KCNN2: variants seen among roughly 807,000 people sequenced by gnomAD.
KCNN2 encodes potassium calcium-activated channel subfamily N member 2.
In KCNN2, 24 loss-of-function variants were observed where a neutral mutation model predicts 55.5. The observed-to-expected ratio is 0.43, with a 90% CI of 0.31 to 0.61. The LOEUF (loss-of-function observed/expected upper bound fraction) is 0.61, where lower values mean the gene tolerates loss of function less well. Among genes scored for constraint, KCNN2 ranks in the 20% least tolerant of loss-of-function variants. The probability of loss-of-function intolerance (pLI) is 0.08; values close to 1 mark genes in which losing one functional copy is unlikely to be tolerated. For synonymous variants in KCNN2, 431 were observed against 336.1 expected (o/e 1.28, Z -3.09); for missense variants, 754 against 853.6 (o/e 0.88, Z 1.45).
chr5:114,124,764 C>G (rs1201860664), intron 1 of KCNN2, among the ~76,000 whole-genome samples: 1 of 152,178 alleles, frequency 6.6e-6, no homozygotes, highest in African/African-American at 2.4e-5. Context: ...TTCTGGTCTT[C>G]TATCAAATTG....
intron 3 of KCNN2, among the ~76,000 whole-genome samples, chr5:114,454,940 C>T (rs567794455): frequency 3.3e-5 from 5 of 152,290 alleles, no homozygotes; most frequent in Admixed American, 2.0e-4. Flanking sequence ...GTTACAGATA[C>T]GCTTATGTAA....
intron 2 of KCNN2, among the ~76,000 whole-genome samples, chr5:114,298,100 C>T (rs981007523): frequency 2.0e-5 from 3 of 152,196 alleles, no homozygotes; most frequent in African/African-American, 7.2e-5. Flanking sequence ...AGTAAGTGCT[C>T]CGTAGATGCT....
At chr5:114,484,153 C>T (rs933039860) in intron 5 of KCNN2, among the ~76,000 whole-genome samples, 7 of 152,094 alleles carry the variant, frequency 4.6e-5, no homozygotes, top group African/African-American at 9.6e-5. Flanking sequence ...TTATTTAGTA[C>T]GAGCTGTGCC....
intron 1 of KCNN2, among the ~76,000 whole-genome samples, chr5:114,105,017 C>G (rs1322577112): frequency 6.6e-6 from 1 of 152,058 alleles, no homozygotes; most frequent in Non-Finnish European, 1.5e-5. Context: ...TCTTCTGATT[C>G]ATTAATGAAC....
chr5:114,327,102 T>C (rs992282012), intron 2 of KCNN2, among the ~76,000 whole-genome samples: 32 of 152,208 alleles, frequency 2.1e-4, no homozygotes, highest in Non-Finnish European at 7.3e-5. Flanking sequence ...TTTACATCAA[T>C]AAAATGTCAC....
At chr5:114,375,485 A>G (rs543923718) in intron 2 of KCNN2, among the ~76,000 whole-genome samples, 98 of 152,254 alleles carry the variant, frequency 6.4e-4, no homozygotes, top group Middle Eastern at 3.4e-3. Flanking sequence ...CTGTAAGTCA[A>G]TTTTCATAAA....
chr5:114,399,828 C>T (rs1245594142), intron 2 of KCNN2, among the ~76,000 whole-genome samples: 1 of 150,644 alleles, frequency 6.6e-6, no homozygotes, highest in Non-Finnish European at 1.5e-5. Flanking sequence ...TGGGTTCGAT[C>T]TTGGGAGATT....
At chr5:114,357,456 C>A (rs1184415082), upstream of KCNN2, among the ~76,000 whole-genome samples, 1 of 113,668 alleles carries the variant, frequency 8.8e-6, no homozygotes, top group Non-Finnish European at 1.8e-5. Context: ...CCCCTCCCCC[C>A]ACCCCACAAC....
chr5:114,353,641 G>A (rs1229345450), intron 2 of KCNN2, among the ~76,000 whole-genome samples: 1 of 151,808 alleles, frequency 6.6e-6, no homozygotes, highest in Non-Finnish European at 1.5e-5. Context: ...AAGTCTGTTA[G>A]CATTACATTC....
chr5:114,166,784 G>T (rs1752921826), intron 1 of KCNN2, among the ~76,000 whole-genome samples: 2 of 152,084 alleles, frequency 1.3e-5, no homozygotes, highest in Admixed American at 1.3e-4. Flanking sequence ...GGTATTAGGG[G>T]GGTAGGGCCT....
At chr5:114,155,917 G>A (rs1001645591) in intron 1 of KCNN2, among the ~76,000 whole-genome samples, 10 of 152,128 alleles carry the variant, frequency 6.6e-5, no homozygotes, top group African/African-American at 2.4e-4. Flanking sequence ...TGCTTTTGTT[G>A]TGATTGCTTT....
intron 1 of KCNN2, among the ~76,000 whole-genome samples, chr5:114,068,494 C>T (rs1472682589): frequency 6.6e-6 from 1 of 152,280 alleles, no homozygotes; most frequent in East Asian, 1.9e-4. Flanking sequence ...CCACAGCTGC[C>T]CAAGTGACAG....
At chr5:114,428,053 T>A (rs1759681016) in intron 3 of KCNN2, among the ~76,000 whole-genome samples, 2 of 152,224 alleles carry the variant, frequency 1.3e-5, no homozygotes, top group Admixed American at 6.5e-5. Flanking sequence ...CTGTCTGAAG[T>A]TAAGAGTAAG....
intron 2 of KCNN2, among the ~76,000 whole-genome samples, chr5:114,297,593 A>G (rs575126364): frequency 2.2e-4 from 33 of 152,266 alleles, no homozygotes; most frequent in Non-Finnish European, 4.1e-4. Context: ...AAACTTCATA[A>G]TACTGCTTCT....
In KCNN2 at chr5:114,155,203, G is replaced by A. The variant is rs141986310; in HGVS notation, c.-270-66277G>A. ...GACCTCCAGCCCCATCCATGTCCCT[G>A]CAAAGGACATGATCTCTTTATTTTT... On this transcript the variant is annotated intron_variant, in intron 1 of 10. Coordinates refer to the KCNN2 transcript ENST00000512097. 3.4e-3 allele frequency among the ~76,000 whole-genome samples: 519 copies of A among 152,172 alleles called. 4 individuals carry two copies. Among genetic ancestry groups the A allele is most frequent in the African/African-American group, 0.012 (499 of 41,518 alleles).
chr5:114,086,377 C>T (rs1299663595), intron 1 of KCNN2, among the ~76,000 whole-genome samples: 4 of 151,464 alleles, frequency 2.6e-5, no homozygotes, highest in Admixed American at 2.0e-4. Flanking sequence ...ATGATCCTGT[C>T]ACCCAGGGAC....
At chr5:114,444,575 G>A (rs1469874706) in intron 3 of KCNN2, among the ~76,000 whole-genome samples, 1 of 152,074 alleles carries the variant, frequency 6.6e-6, no homozygotes, top group Admixed American at 6.5e-5. Flanking sequence ...GAAAGTGGAT[G>A]CCCCAGAACG....
chr5:114,323,869 A>G (rs1409413969), intron 2 of KCNN2, among the ~76,000 whole-genome samples: 5 of 151,664 alleles, frequency 3.3e-5, no homozygotes, highest in South Asian at 4.2e-4. Flanking sequence ...GGATGGTCTT[A>G]ATCTCTTGAC....
chr5:114,392,994 G>A (rs1253549503), intron 2 of KCNN2, among the ~76,000 whole-genome samples: 1 of 151,686 alleles, frequency 6.6e-6, no homozygotes, highest in Admixed American at 6.6e-5. Context: ...GCTTCTGGTG[G>A]GAAAAGCACC....
Sources: gnomAD v4.1 joint callset for allele counts (sites outside exome capture counted in the v4.1 genomes callset) on GRCh38, gnomAD v4.1.1 for gene constraint, MANE v1.5 for transcripts, NCBI Gene and HGNC (gene_info 2026-07-23, HGNC 2026-07-21) for gene names.